KDM4D: variants seen among roughly 807,000 people sequenced by gnomAD.
The protein encoded by KDM4D is lysine demethylase 4D.
For synonymous variants in KDM4D, 254 were observed against 249.1 expected (o/e 1.02, Z -0.19); for missense variants, 427 against 674.8 (o/e 0.63, Z 4.07).
chr11:94,991,401 A>G (rs1555098660), intron 2 of KDM4D, among the ~76,000 whole-genome samples: 1 of 152,208 alleles, frequency 6.6e-6, no homozygotes, highest in Non-Finnish European at 1.5e-5. Flanking sequence ...GTCAATTTCA[A>G]AGAAACAGAC....
chr11:94,990,484 G>C (rs1555098554), intron 2 of KDM4D, among the ~76,000 whole-genome samples: 1 of 152,182 alleles, frequency 6.6e-6, no homozygotes, highest in African/African-American at 2.4e-5. Flanking sequence ...GTTTGTATAA[G>C]AAAATTGAGA....
chr11:94,977,511 A>G (rs757215660), intron 2 of KDM4D, among the ~76,000 whole-genome samples: 1 of 152,120 alleles, frequency 6.6e-6, no homozygotes, highest in African/African-American at 2.4e-5. Flanking sequence ...TGCCAAGGCT[A>G]TTCTTTCCTG....
Position 94,997,330 on chromosome 11 carries a change from T to G in KDM4D, c.-43T>G. ...AGTAGCATTTTCCTACATTGTCAAC[T>G]ATCTAGAACATACCTAAAAACTAAG... On this transcript the variant is annotated 5_prime_UTR_variant, in exon 3 of 3. Transcript: ENST00000335080. 1 of 1,431,834 alleles carries G rather than the reference T, an allele frequency of 7.0e-7. No individual in the cohort carries two copies. Among genetic ancestry groups the G allele is most frequent in the Non-Finnish European group, 9.2e-7 (1 of 1,081,316 alleles). 88.7% of individuals were successfully genotyped at this position (1,431,834 alleles called of 1,614,324 possible).
At chr11:94,986,543 C>T (rs1424522336) in intron 2 of KDM4D, among the ~76,000 whole-genome samples, 1 of 152,192 alleles carries the variant, frequency 6.6e-6, no homozygotes, top group Non-Finnish European at 1.5e-5. Context: ...CTGCAGTAAG[C>T]TGTGATTATG....
At position 94,997,912 on chromosome 11, in the gene KDM4D, G is replaced by A; in HGVS notation, c.540G>A (p.Leu180=). Residue 180 remains leucine, a synonymous_variant, in exon 3 of 3, where the codon TTG becomes TTA. Transcript: ENST00000335080. Reference sequence around the variant, plus strand: ...TAGAAGGCGTCAATACACCCTACTTGTACTTTGGCATGTGGAAAACCACGT... The same window carrying A: ...TAGAAGGCGTCAATACACCCTACTTATACTTTGGCATGTGGAAAACCACGT... ...VVIEGVNTPY[L]YFGMWKTTFA... 4 of 1,614,242 alleles carry A rather than the reference G, an allele frequency of 2.5e-6. No individual in the cohort carries two copies. Among genetic ancestry groups the A allele is most frequent in the South Asian group, 1.1e-5 (1 of 91,092 alleles).
chr11:94,974,593 C>T (rs1857779532), intron 1 of KDM4D, among the ~76,000 whole-genome samples: 1 of 152,154 alleles, frequency 6.6e-6, no homozygotes, highest in Non-Finnish European at 1.5e-5. Context: ...AGATGAAAAT[C>T]CTGATTTTTC....
In KDM4D at chr11:94,997,124, C is replaced by T. The variant is rs969992060; in HGVS notation, c.-249C>T. On this transcript the variant is annotated 5_prime_UTR_variant, in exon 3 of 3. Coordinates refer to ENST00000335080, the MANE Select transcript of KDM4D (RefSeq NM_018039.3). ...TAAGAAGACAGAGCCCAGCAGCAAC[C>T]GAAACATAACAGAGTTGCAGGATCA... 2 of 344,288 alleles carry T rather than the reference C, an allele frequency of 5.8e-6. No individual in the cohort carries two copies. The highest frequency in any genetic ancestry group is 1.0e-5 in the Non-Finnish European group (2 of 192,448). The allele number at this position is 344,288 out of a possible 1,614,324, so 21.3% of individuals were successfully genotyped here.
At chr11:94,988,881 G>A (rs1857910788) in intron 2 of KDM4D, among the ~76,000 whole-genome samples, 1 of 152,086 alleles carries the variant, frequency 6.6e-6, no homozygotes, top group African/African-American at 2.4e-5. Flanking sequence ...ATAATAGAGA[G>A]GGAAAGGGAA....
Position 94,978,598 on chromosome 11 carries a change from A to G in KDM4D, c.-350+2850A>G, listed in dbSNP as rs191929226. ...GGCTGGGTTACTGGATAATGTCATA[A>G]GTTACTCACCTCTCATCTAATCTAA... On this transcript the variant is annotated intron_variant, in intron 2 of 2. Coordinates refer to ENST00000335080, the MANE Select transcript of KDM4D (RefSeq NM_018039.3). 7.9e-5 allele frequency among the ~76,000 whole-genome samples: 12 copies of G among 152,342 alleles called. No homozygotes were observed. The East Asian group carries it at 2.1e-3, about 27-fold the overall frequency.
At chr11:94,979,070 T>C (rs1555097305) in intron 2 of KDM4D, among the ~76,000 whole-genome samples, 1 of 152,222 alleles carries the variant, frequency 6.6e-6, no homozygotes, top group African/African-American at 2.4e-5. Context: ...GCATTATATA[T>C]GTATGCTTAT....
In KDM4D at chr11:94,995,721, C is replaced by G. The variant is rs1351691631; in HGVS notation, c.-349-1303C>G. Reference sequence around the variant, plus strand: ...GAGCTTCCCTTTCCTAGTGTCCTAACAGGACTATTTGACTAAATAGAGAAA... The same window carrying G: ...GAGCTTCCCTTTCCTAGTGTCCTAAGAGGACTATTTGACTAAATAGAGAAA... On this transcript the variant is annotated intron_variant, in intron 2 of 2. Transcript: ENST00000335080. 2.0e-5 allele frequency among the ~76,000 whole-genome samples: 3 copies of G among 152,310 alleles called. No homozygotes were observed. The East Asian group carries it at 5.8e-4, about 29-fold the overall frequency.
intron 2 of KDM4D, among the ~76,000 whole-genome samples, chr11:94,984,693 TAAAAAAAAAAAA>T (rs35239329): frequency 1.1e-5 from 1 of 87,776 alleles, no homozygotes; most frequent in East Asian, 3.3e-4. Context: ...CCATCTCTAC[TAAAAAAAAAAAA>T]AAAAAAAAAA....
At position 94,999,329 on chromosome 11, in the gene KDM4D, C is replaced by T. The variant is rs182965954; in HGVS notation, c.*385C>T. The T allele has an allele frequency of 1.3e-4, 23 of 174,508 alleles. No homozygotes were observed. The highest frequency in any genetic ancestry group is 5.0e-4 in the African/African-American group (21 of 41,844). The allele number at this position is 174,508 out of a possible 1,614,324, so 10.8% of individuals were successfully genotyped here. The stretch of plus-strand genomic sequence containing the variant: ...AGAATCCTGAGCTTTGATTCCTCTT[C>T]AGTCTACGCATTTCTCTCTTCCCCT... On this transcript the variant is annotated 3_prime_UTR_variant, in exon 3 of 3. Transcript: ENST00000335080.
chr11:94,987,026 T>C (rs1458764006), intron 2 of KDM4D, among the ~76,000 whole-genome samples: 2 of 152,198 alleles, frequency 1.3e-5, no homozygotes, highest in East Asian at 3.8e-4. Flanking sequence ...TGGTTGAACC[T>C]CAAAAACGTG....
intron 2 of KDM4D, among the ~76,000 whole-genome samples, chr11:94,984,816 G>A (rs782523638): frequency 2.0e-5 from 3 of 151,738 alleles, no homozygotes; most frequent in East Asian, 2.0e-4. Context: ...GCAGTGATCC[G>A]AGATCGTGCC....
At chr11:94,995,389 C>T (rs1008910455) in intron 2 of KDM4D, among the ~76,000 whole-genome samples, 7 of 152,084 alleles carry the variant, frequency 4.6e-5, no homozygotes. Flanking sequence ...ACACTGTTCA[C>T]ATTATATAAG....
intron 2 of KDM4D, among the ~76,000 whole-genome samples, chr11:94,977,374 T>C (rs587743314): frequency 2.7e-4 from 41 of 152,286 alleles, no homozygotes; most frequent in Admixed American, 2.2e-3. Flanking sequence ...TTCTATGGTC[T>C]ACCCTTTCCC....
chr11:94,985,830 A>C (rs79985071), intron 2 of KDM4D, among the ~76,000 whole-genome samples: 1,691 of 152,324 alleles, frequency 0.011, 35 homozygotes, highest in African/African-American at 0.038. Flanking sequence ...AAAGAAAACA[A>C]ATGGTGCTGG....
At chr11:94,977,510 T>C (rs1397534375) in intron 2 of KDM4D, among the ~76,000 whole-genome samples, 1 of 152,168 alleles carries the variant, frequency 6.6e-6, no homozygotes, top group Non-Finnish European at 1.5e-5. Flanking sequence ...CTGCCAAGGC[T>C]ATTCTTTCCT....
Sources: allele counts gnomAD v4.1 joint callset (sites outside exome capture counted in the v4.1 genomes callset), GRCh38; gene constraint gnomAD v4.1.1; transcripts MANE v1.5; gene names NCBI Gene and HGNC (gene_info 2026-07-23, HGNC 2026-07-21).